Variants in XPO4 observed in about 807,000 individuals in gnomAD.
The protein encoded by XPO4 is exportin 4.
XPO4 carries 39 observed loss-of-function variants against 143.0 expected under a neutral mutation model. The observed-to-expected ratio is 0.27, with a 90% CI of 0.21 to 0.36. The LOEUF (loss-of-function observed/expected upper bound fraction) is 0.36, where lower values mean the gene tolerates loss of function less well. Among genes scored for constraint, XPO4 ranks in the 10% least tolerant of loss-of-function variants. XPO4 has a pLI of 1.00. For missense variants in XPO4, 907 were observed against 1,348.0 expected, an observed-to-expected ratio of 0.67 and a Z score of 5.12; for synonymous variants, 439 against 474.0, an observed-to-expected ratio of 0.93 and a Z score of 0.96.
At chr13:20,848,727 C>T in intron 4 of XPO4, 15 of 985,324 alleles carry the variant, frequency 1.5e-5, no homozygotes, top group Non-Finnish European at 1.7e-5. Context: ...TCAGTGTTTA[C>T]TTCTATGCCC....
chr13:20,885,482 CAAAT>C (rs567774487), intron 1 of XPO4, among the ~76,000 whole-genome samples: 2 of 151,852 alleles, frequency 1.3e-5, no homozygotes, highest in African/African-American at 4.8e-5. Context: ...AGTAAGATAA[CAAAT>C]AAGTTATAAT....
At chr13:20,790,667 C>A (rs1156766311) in intron 18 of XPO4, 87 bp from the exon 19 acceptor site, 3 of 988,688 alleles carry the variant, frequency 3.0e-6, no homozygotes, top group Non-Finnish European at 4.7e-6. Context: ...AATAAACTCA[C>A]CCCTAGAGGC....
chr13:20,878,905 T>C (rs1464101375), intron 1 of XPO4, among the ~76,000 whole-genome samples: 2 of 152,236 alleles, frequency 1.3e-5, no homozygotes, highest in Non-Finnish European at 2.9e-5. Flanking sequence ...TTTCTTTAAA[T>C]AAGTGGGCCT....
intron 7 of XPO4, among the ~76,000 whole-genome samples, chr13:20,822,799 T>C (rs980408687): frequency 6.6e-6 from 1 of 152,248 alleles, no homozygotes; most frequent in African/African-American, 2.4e-5. Flanking sequence ...CACGTTCTTT[T>C]ATTAATTCTC....
intron 1 of XPO4, among the ~76,000 whole-genome samples, chr13:20,897,459 C>T (rs1359939638): frequency 1.3e-5 from 2 of 152,132 alleles, no homozygotes; most frequent in African/African-American, 4.8e-5. Flanking sequence ...TTCCAAGAAG[C>T]CCTTTCTCAG....
chr13:20,788,049 G>GTTTTTTT (rs1276190178), intron 20 of XPO4, among the ~76,000 whole-genome samples: 5 of 130,894 alleles, frequency 3.8e-5, no homozygotes, highest in African/African-American at 1.6e-4. Flanking sequence ...ACAGTTTTTT[G>GTTTTTTT]TTTTTTTGTT....
chr13:20,887,983 T>C (rs572206023), intron 1 of XPO4, among the ~76,000 whole-genome samples: 23 of 152,174 alleles, frequency 1.5e-4, no homozygotes, highest in African/African-American at 5.3e-4. Context: ...AAGACCAGTC[T>C]GGCCAACATG....
chr13:20,874,648 T>G (rs983442444), intron 1 of XPO4, among the ~76,000 whole-genome samples: 13 of 152,216 alleles, frequency 8.5e-5, no homozygotes, highest in African/African-American at 2.9e-4. Flanking sequence ...CCTCATCAGA[T>G]GCCGGCACCA....
intron 6 of XPO4, among the ~76,000 whole-genome samples, chr13:20,839,585 C>T (rs145483992): frequency 1.6e-4 from 25 of 152,212 alleles, no homozygotes; most frequent in African/African-American, 5.8e-4. Flanking sequence ...GCCTGTAATG[C>T]CAGCACTTTG....
rs115576310 is a variant in XPO4, at chr13:20,891,543, T to A, written c.69+11127A>T. ...TGCACTAACTCCCTGAGGTAGTGGTTATTATTTCTCTATTTTTTTAAAAAA... is the reference window on the plus strand; with the variant it reads ...TGCACTAACTCCCTGAGGTAGTGGTAATTATTTCTCTATTTTTTTAAAAAA... On this transcript the variant is annotated intron_variant, in intron 1 of 22. Coordinates refer to ENST00000255305, the MANE Select transcript of XPO4 (RefSeq NM_022459.5). Among the ~76,000 whole-genome samples, 1,047 of 152,206 alleles carry A rather than the reference T, an allele frequency of 6.9e-3. 14 individuals carry two copies. Among genetic ancestry groups the A allele is most frequent in the African/African-American group, 0.024 (987 of 41,552 alleles).
At chr13:20,814,979 A>G (rs1303362967) in intron 9 of XPO4, among the ~76,000 whole-genome samples, 1 of 152,246 alleles carries the variant, frequency 6.6e-6, no homozygotes, top group Non-Finnish European at 1.5e-5. Flanking sequence ...TATTTATGAA[A>G]ATGCTGTCAA....
chr13:20,844,463 TA>T lies in XPO4; in HGVS notation c.457-578del, dbSNP rs1203062277. Reference sequence around the variant, plus strand: ...TCATTGGTTCTATCCAACAGGCTCCTAATATCAACTCATTGATTTTATTCCC... The same window carrying T: ...TCATTGGTTCTATCCAACAGGCTCCTATATCAACTCATTGATTTTATTCCC... On this transcript the variant is annotated intron_variant, in intron 4 of 22. Coordinates refer to ENST00000255305, the MANE Select transcript of XPO4 (RefSeq NM_022459.5). Among the ~76,000 whole-genome samples the T allele has an allele frequency of 3.3e-5, 5 of 152,238 alleles. No individual in the cohort carries two copies. In the South Asian group the frequency reaches 1.0e-3, roughly 32 times the overall value.
At chr13:20,882,661 G>C (rs1318675268) in intron 1 of XPO4, among the ~76,000 whole-genome samples, 2 of 152,138 alleles carry the variant, frequency 1.3e-5, no homozygotes, top group African/African-American at 4.8e-5. Context: ...GCCGAGGTGG[G>C]TGGGTCACCT....
chr13:20,821,747 T>C lies in XPO4; in HGVS notation c.1130A>G (p.His377Arg), dbSNP rs759501507. ...LFSSFVNCLT[H>R]LTCSFGRSAA... ...ACTTCGCCCAAAAGAACAAGTGAGG[T>C]GTGTGAGGCAGTTAACAAAGGAGGA... The change falls in exon 9 of 23, where the codon CAC becomes CGC. Residue 377 changes from histidine to arginine, a missense_variant. By Grantham distance (29) the His-to-Arg change is conservative. Coordinates refer to ENST00000255305, the MANE Select transcript of XPO4 (RefSeq NM_022459.5). 3 of 1,613,794 alleles carry C rather than the reference T, an allele frequency of 1.9e-6. No individual in the cohort carries two copies. The highest frequency in any genetic ancestry group is 1.1e-5 in the South Asian group (1 of 91,020).
intron 1 of XPO4, among the ~76,000 whole-genome samples, chr13:20,896,008 T>G (rs1413454935): frequency 2.0e-5 from 3 of 152,158 alleles, no homozygotes; most frequent in Non-Finnish European, 2.9e-5. Context: ...AGAAGTGAAA[T>G]AGCTGGGGGT....
At chr13:20,813,186 A>AC (rs148384285) in intron 9 of XPO4, among the ~76,000 whole-genome samples, 2,304 of 150,594 alleles carry the variant, frequency 0.015, 56 homozygotes, top group African/African-American at 0.052. Flanking sequence ...TAATCCAATC[A>AC]CCCCCCACCA....
At chr13:20,820,300 TA>T (rs1049997273) in intron 9 of XPO4, among the ~76,000 whole-genome samples, 1 of 152,194 alleles carries the variant, frequency 6.6e-6, no homozygotes, top group Non-Finnish European at 1.5e-5. Context: ...TGTCCTCAAA[TA>T]AATTCTGCAC....
chr13:20,868,695 G>T lies in XPO4; in HGVS notation c.76C>A (p.Pro26Thr). ...CGTTGTTCATTATTGACCATGGAAGGTGGTGCCTTGAGAGTTAAAGACAAG... is the reference window on the plus strand; with the variant it reads ...CGTTGTTCATTATTGACCATGGAAGTTGGTGCCTTGAGAGTTAAAGACAAG... ...ENAAKVLMAP[P>T]SMVNNEQRQH... Residue 26 changes from proline (P) to threonine (T), a missense_variant, in exon 2 of 23, where the codon CCT becomes ACT. Transcript: ENST00000255305. The T allele has an allele frequency of 6.2e-7, 1 of 1,612,292 alleles. No homozygotes were observed. The highest frequency in any genetic ancestry group is 8.5e-7 in the Non-Finnish European group (1 of 1,179,268).
At chr13:20,800,630 G>A (rs2059420007) in intron 14 of XPO4, among the ~76,000 whole-genome samples, 2 of 152,126 alleles carry the variant, frequency 1.3e-5, no homozygotes, top group African/African-American at 4.8e-5. Context: ...TTCAACAGCA[G>A]TTAAAATAAA....
Sources: allele counts gnomAD v4.1 joint callset (sites outside exome capture counted in the v4.1 genomes callset), GRCh38; gene constraint gnomAD v4.1.1; transcripts MANE v1.5; gene names NCBI Gene and HGNC (gene_info 2026-07-23, HGNC 2026-07-21).